The following PCDHA1 variants were observed in gnomAD, a reference collection of about 807,000 sequenced individuals.
The protein encoded by PCDHA1 is protocadherin alpha 1.
PCDHA1 carries 42 observed loss-of-function variants against 61.3 expected under a neutral mutation model. The observed-to-expected ratio is 0.69, with a 90% CI of 0.54 to 0.89. The LOEUF (loss-of-function observed/expected upper bound fraction) is 0.89, where lower values mean the gene tolerates loss of function less well. PCDHA1 is among the 40% of genes least tolerant of loss of function. The probability of loss-of-function intolerance (pLI) is 0.00; values close to 1 mark genes in which losing one functional copy is unlikely to be tolerated. For missense variants in PCDHA1, 1,256 were observed against 1,235.3 expected, an observed-to-expected ratio of 1.02 and a Z score of -0.25; for synonymous variants, 610 against 553.8, an observed-to-expected ratio of 1.10 and a Z score of -1.43.
At chr5:140,967,643 A>G in intron 1 of PCDHA1, 1 of 1,614,164 alleles carries the variant, frequency 6.2e-7, no homozygotes, top group East Asian at 2.2e-5. Flanking sequence ...TGGTGAGCTC[A>G]GGTACTCCTT....
rs781791963 is a variant in PCDHA1 at position 140,809,224 on chromosome 5, C to T, written c.2394+20540C>T. ...AGAGTGGACAGGCGCCAAAGGCCTCCTCACGGGCGTTGGTGGGCGCTGTGG... is the reference window on the plus strand; with the variant it reads ...AGAGTGGACAGGCGCCAAAGGCCTCTTCACGGGCGTTGGTGGGCGCTGTGG... On this transcript the variant is annotated intron_variant, in intron 1 of 3. Transcript: ENST00000504120. 33 of 1,613,966 alleles carry T rather than the reference C, an allele frequency of 2.0e-5. No individual in the cohort carries two copies. In the Admixed American group the frequency reaches 5.5e-4, roughly 27 times the overall value.
intron 1 of PCDHA1, chr5:140,836,630 A>T (rs2150266222): frequency 6.2e-7 from 1 of 1,613,502 alleles, no homozygotes. Context: ...GGAGCTGGTC[A>T]TTCTCCCAGC....
chr5:140,937,148 C>T (rs1400872734), intron 1 of PCDHA1, among the ~76,000 whole-genome samples: 6 of 151,842 alleles, frequency 4.0e-5, no homozygotes, highest in Non-Finnish European at 8.8e-5. Flanking sequence ...TGCCATTCTC[C>T]TGCCTCAGCC....
At chr5:140,853,128 C>T (rs2150528900) in intron 1 of PCDHA1, 17 of 607,300 alleles carry the variant, frequency 2.8e-5, no homozygotes, top group Non-Finnish European at 3.6e-5. Flanking sequence ...ATCCTCCCGC[C>T]TCAGCCTCCC....
intron 1 of PCDHA1, among the ~76,000 whole-genome samples, chr5:140,937,289 G>A (rs1252675615): frequency 6.6e-5 from 10 of 151,862 alleles, no homozygotes; most frequent in African/African-American, 9.7e-5. Flanking sequence ...CACCCGCTTC[G>A]GCCTCCCAAA....
rs782788996 is a variant in PCDHA1 at position 140,802,655 on chromosome 5, G to T, written c.2394+13971G>T. The stretch of plus-strand genomic sequence containing the variant: ...CTGCGCGGGACGCGGACGCGCAGGA[G>T]AACGCCCTGGTGTCCTACTCGCTGG... On this transcript the variant is annotated intron_variant, in intron 1 of 3. Transcript: ENST00000504120. 40 of 1,613,530 alleles carry T rather than the reference G, an allele frequency of 2.5e-5. No individual in the cohort carries two copies. The Admixed American group carries it at 5.0e-4, about 20-fold the overall frequency.
chr5:140,927,997 C>T (rs139322203), intron 1 of PCDHA1: 298 of 1,614,182 alleles, frequency 1.8e-4, no homozygotes, highest in Admixed American at 5.8e-4. Context: ...GGATGAAGAC[C>T]TCGATTCTAA....
At chr5:141,002,702 G>A (rs2153975030) in intron 3 of PCDHA1, among the ~76,000 whole-genome samples, 1 of 152,294 alleles carries the variant, frequency 6.6e-6, no homozygotes, top group South Asian at 2.1e-4. Context: ...GTTTAACTCT[G>A]TTGCACACAC....
intron 1 of PCDHA1, chr5:140,803,715 G>A: frequency 6.8e-7 from 1 of 1,470,908 alleles, no homozygotes; most frequent in East Asian, 2.3e-5. Context: ...GACTTTTCCA[G>A]TTTTGTGGTT....
At chr5:140,851,804 A>G (rs2042163205) in intron 1 of PCDHA1, 6 of 945,718 alleles carry the variant, frequency 6.3e-6, no homozygotes, top group Non-Finnish European at 7.7e-6. Context: ...TCTGTCAGTA[A>G]TCCATAAGAC....
intron 1 of PCDHA1, among the ~76,000 whole-genome samples, chr5:140,827,631 T>C (rs1554130832): frequency 1.2e-4 from 19 of 152,238 alleles, no homozygotes; most frequent in Non-Finnish European, 1.5e-5. Flanking sequence ...GAGTGTAGAA[T>C]AGTTTACATT....
In PCDHA1 at chr5:140,903,474, C is replaced by T. The variant is rs1257250947; in HGVS notation, c.2395-75475C>T. Among the ~76,000 whole-genome samples, 4 of 152,106 alleles carry T rather than the reference C, an allele frequency of 2.6e-5. No homozygotes were observed. In the East Asian group the frequency reaches 7.7e-4, roughly 29 times the overall value. The stretch of plus-strand genomic sequence containing the variant: ...ATCAAACTTAAAATATTATTCCTTG[C>T]ATTATAGTTCTGAGCAGGTACCATA... On this transcript the variant is annotated intron_variant, in intron 1 of 3. Transcript: ENST00000504120.
intron 1 of PCDHA1, chr5:140,811,522 C>T (rs1447514346): frequency 6.6e-6 from 1 of 151,940 alleles, no homozygotes; most frequent in South Asian, 2.1e-4. Flanking sequence ...AGATATATAC[C>T]CAGTAATGGG....
chr5:140,788,106 T>G lies in PCDHA1; in HGVS notation c.1816T>G (p.Trp606Gly). The stretch of plus-strand genomic sequence containing the variant: ...GGACGCCGACTCGGGCTACAACGCG[T>G]GGCTGTCCTATGAACTGCAGCCGGC... Reference protein sequence around the residue: ...AVDADSGYNAWLSYELQPAAG... With the variant: ...AVDADSGYNAGLSYELQPAAG... Residue 606 changes from tryptophan to glycine, a missense_variant, in exon 1 of 4, where the codon TGG (tryptophan) becomes GGG (glycine). Coordinates refer to ENST00000504120, the MANE Select transcript of PCDHA1 (RefSeq NM_018900.4). The G allele has an allele frequency of 1.2e-6, 2 of 1,613,992 alleles. No homozygotes were observed. Among genetic ancestry groups the G allele is most frequent in the Non-Finnish European group, 1.7e-6 (2 of 1,179,918 alleles).
intron 1 of PCDHA1, chr5:140,823,801 A>G: frequency 1.2e-6 from 2 of 1,613,744 alleles, no homozygotes; most frequent in African/African-American, 1.3e-5. Flanking sequence ...CCAGGCGCCG[A>G]AGGCCTCATC....
intron 1 of PCDHA1, among the ~76,000 whole-genome samples, chr5:140,964,058 A>C (rs147228403): frequency 1.4e-3 from 207 of 152,356 alleles, no homozygotes; most frequent in Admixed American, 4.3e-3. Flanking sequence ...TGGTGTGGTC[A>C]AGGCATTAGT....
intron 2 of PCDHA1, among the ~76,000 whole-genome samples, chr5:140,982,130 G>A (rs1298475758): frequency 6.6e-6 from 1 of 152,228 alleles, no homozygotes; most frequent in African/African-American, 2.4e-5. Context: ...TTGAGAACAA[G>A]CCCTCCTCAT....
intron 3 of PCDHA1, among the ~76,000 whole-genome samples, chr5:140,997,321 T>C (rs964967011): frequency 1.3e-5 from 2 of 152,174 alleles, no homozygotes; most frequent in Non-Finnish European, 2.9e-5. Flanking sequence ...CTTTAGGCAG[T>C]TTTTTCGTTG....
intron 1 of PCDHA1, among the ~76,000 whole-genome samples, chr5:140,915,400 T>C (rs1554196884): frequency 6.6e-6 from 1 of 152,224 alleles, no homozygotes; most frequent in East Asian, 1.9e-4. Context: ...GTATTTCTTA[T>C]AGTCTTTGCA....
Sources: gnomAD v4.1 joint callset for allele counts (sites outside exome capture counted in the v4.1 genomes callset) on GRCh38, gnomAD v4.1.1 for gene constraint, MANE v1.5 for transcripts, NCBI Gene and HGNC (gene_info 2026-07-23, HGNC 2026-07-21) for gene names.